The following DCAF6 variants were observed in gnomAD, a reference collection of about 807,000 sequenced individuals.
DCAF6 encodes the protein DDB1- and CUL4-associated factor 6.
Under a neutral mutation model 125.1 loss-of-function variants are expected in DCAF6, and 54 were observed. That is an observed-to-expected ratio of 0.43 (90% CI 0.35 to 0.54). The LOEUF is 0.54. DCAF6 is among the 20% of genes least tolerant of loss of function. The pLI is 0.01. For missense variants in DCAF6, 934 were observed against 1,161.7 expected, an observed-to-expected ratio of 0.80 and a Z score of 2.85; for synonymous variants, 371 against 390.4, an observed-to-expected ratio of 0.95 and a Z score of 0.58.
Position 167,997,399 on chromosome 1 carries a change from A to G in DCAF6, c.903+3959A>G, listed in dbSNP as rs140060354. On this transcript the variant is annotated intron_variant, in intron 7 of 21. Coordinates refer to ENST00000367840, the MANE Select transcript of DCAF6 (RefSeq NM_001198956.2). ...TGAGAATTTGCACAGCTGCCACATT[A>G]AGCTTTGTTCTGGTTATTCCCTGTC... 2.8e-3 allele frequency among the ~76,000 whole-genome samples: 433 copies of G among 152,276 alleles called. 3 individuals are homozygous for G. The highest frequency in any genetic ancestry group is 3.0e-3 in the Non-Finnish European group (207 of 68,006).
Position 168,065,590 on chromosome 1 carries a change from A to G in DCAF6, c.2440A>G (p.Ile814Val). The G allele has an allele frequency of 6.3e-7, 1 of 1,580,370 alleles. No individual in the cohort carries two copies. Among genetic ancestry groups the G allele is most frequent in the Non-Finnish European group, 8.6e-7 (1 of 1,161,720 alleles). Residue 814 changes from isoleucine (I) to valine (V), a missense_variant and splice_region_variant, in exon 19 of 22, where the codon ATA becomes GTA. Transcript: ENST00000367840. ...TTAAATAATTTTTTTTAACCCTTAG[A>G]TAAAAGAAGCCAATTTCTGGGGTGC... ...YKGHRNSRTMIKEANFWGANF... is the reference protein window; with the variant it reads ...YKGHRNSRTMVKEANFWGANF...
chr1:167,982,790 G>A (rs549749495), intron 4 of DCAF6, among the ~76,000 whole-genome samples: 3 of 152,140 alleles, frequency 2.0e-5, no homozygotes, highest in South Asian at 2.1e-4. Flanking sequence ...CTTATAGTTC[G>A]AGGTCTTACA....
chr1:168,064,037 CTCTT>C (rs1489142022), intron 18 of DCAF6: 1 of 161,218 alleles, frequency 6.2e-6, no homozygotes, highest in Admixed American at 7.1e-5. Flanking sequence ...TTTTCCCCCT[CTCTT>C]TCTCACATTT....
intron 2 of DCAF6, among the ~76,000 whole-genome samples, chr1:167,965,993 A>G (rs1271407640): frequency 6.6e-6 from 1 of 152,080 alleles, no homozygotes; most frequent in African/African-American, 2.4e-5. Context: ...CAATTCATCA[A>G]TTATAGTTCA....
chr1:168,037,290 AT>A (rs1189070987), intron 12 of DCAF6, among the ~76,000 whole-genome samples: 1 of 152,104 alleles, frequency 6.6e-6, no homozygotes. Flanking sequence ...ATAAAAAAAA[AT>A]CCTAAGTATA....
chr1:167,918,594 CTTT>C, the DCAF6 span, among the ~76,000 whole-genome samples: 10 of 133,164 alleles, frequency 7.5e-5, no homozygotes, highest in Admixed American at 7.9e-5. Context: ...CTGCCAAAAA[CTTT>C]TTTTTTTTTT....
chr1:167,887,866 CCCACT>C, the DCAF6 span, among the ~76,000 whole-genome samples: 1 of 151,158 alleles, frequency 6.6e-6, no homozygotes, highest in Non-Finnish European at 1.5e-5. Flanking sequence ...GAAATCTTTG[CCCACT>C]CCAATGTCCT....
intron 10 of DCAF6, among the ~76,000 whole-genome samples, chr1:168,009,440 T>C (rs987131098): frequency 2.0e-5 from 2 of 100,594 alleles, no homozygotes; most frequent in Non-Finnish European, 3.7e-5. Flanking sequence ...CTCTCTCTCT[T>C]TCTTTCTTTC....
intron 6 of DCAF6, among the ~76,000 whole-genome samples, chr1:167,992,688 A>G (rs1681027179): frequency 6.6e-6 from 1 of 152,262 alleles, no homozygotes; most frequent in Non-Finnish European, 1.5e-5. Flanking sequence ...TTGTACACCT[A>G]TCTGTCATAT....
the DCAF6 span, among the ~76,000 whole-genome samples, chr1:167,871,067 G>C: frequency 6.6e-6 from 1 of 150,442 alleles, no homozygotes; most frequent in East Asian, 1.9e-4. Flanking sequence ...CCTAAAGCTT[G>C]TTTTTTTTTG....
intron 21 of DCAF6, among the ~76,000 whole-genome samples, chr1:168,073,241 AAGAGAACACACTGTTCTTC>A (rs1462422877): frequency 2.0e-5 from 3 of 152,230 alleles, no homozygotes; most frequent in Non-Finnish European, 2.9e-5. Flanking sequence ...GTTTTTATTT[AAGAGAACACACTGTTCTTC>A]AGACCTCCTT....
At chr1:167,969,250 G>C (rs946397940) in intron 3 of DCAF6, 4 of 152,040 alleles carry the variant, frequency 2.6e-5, no homozygotes, top group African/African-American at 9.7e-5. Flanking sequence ...TTTGAAGCTG[G>C]ATCTTACAGG....
At chr1:168,036,428 AAAAT>A (rs1036035723) in intron 12 of DCAF6, among the ~76,000 whole-genome samples, 6 of 152,108 alleles carry the variant, frequency 3.9e-5, no homozygotes, top group Admixed American at 2.6e-4. Context: ...CCTTAAAAGA[AAAAT>A]AAACAGCAAA....
At chr1:167,960,361 C>T (rs1399090255) in intron 2 of DCAF6, among the ~76,000 whole-genome samples, 4 of 151,974 alleles carry the variant, frequency 2.6e-5, no homozygotes, top group Non-Finnish European at 5.9e-5. Flanking sequence ...TGCAATGGCG[C>T]GATCTCAGCT....
the DCAF6 span, chr1:167,901,672 T>A: frequency 6.2e-7 from 1 of 1,614,132 alleles, no homozygotes; most frequent in Non-Finnish European, 8.5e-7. Context: ...CTATCTTGAC[T>A]CGGATGTCTA....
chr1:168,057,788 G>T (rs1040383691), intron 17 of DCAF6, among the ~76,000 whole-genome samples: 1 of 152,120 alleles, frequency 6.6e-6, no homozygotes, highest in East Asian at 1.9e-4. Context: ...GGGGAGAATT[G>T]TATTTTTATA....
chr1:168,026,087 C>A (rs910889381), intron 12 of DCAF6, among the ~76,000 whole-genome samples: 4 of 152,126 alleles, frequency 2.6e-5, no homozygotes, highest in Admixed American at 6.5e-5. Context: ...ATGTTACTCT[C>A]AAAAATAATA....
the DCAF6 span, among the ~76,000 whole-genome samples, chr1:167,921,605 T>C: frequency 6.6e-6 from 1 of 152,222 alleles, no homozygotes; most frequent in African/African-American, 2.4e-5. Flanking sequence ...TCTATTGCAC[T>C]CATGCGTTTT....
At chr1:167,952,597 T>C (rs1248016312) in intron 2 of DCAF6, among the ~76,000 whole-genome samples, 1 of 152,198 alleles carries the variant, frequency 6.6e-6, no homozygotes, top group African/African-American at 2.4e-5. Flanking sequence ...TTTCAATCCA[T>C]TGACTTGCTA....
Sources: allele counts gnomAD v4.1 joint callset (sites outside exome capture counted in the v4.1 genomes callset), GRCh38; gene constraint gnomAD v4.1.1; transcripts MANE v1.5; gene names NCBI Gene and HGNC (gene_info 2026-07-23, HGNC 2026-07-21).